RNGTT: variants seen among roughly 807,000 people sequenced by gnomAD.
RNGTT encodes the protein mRNA-capping enzyme.
Under a neutral mutation model 79.3 loss-of-function variants are expected in RNGTT, and 33 were observed. That is an observed-to-expected ratio of 0.42 (90% confidence interval 0.32 to 0.56). The LOEUF is 0.56. Ranked by LOEUF, RNGTT falls within the 20% of genes least tolerant of loss-of-function variation. The probability of loss-of-function intolerance (pLI) is 0.17; values close to 1 mark genes in which losing one functional copy is unlikely to be tolerated. For missense variants in RNGTT, 497 were observed against 739.1 expected (o/e 0.67, Z 3.80); for synonymous variants, 222 against 235.9 (o/e 0.94, Z 0.54).
At chr6:88,675,330 G>A (rs1209945298) in intron 14 of RNGTT, among the ~76,000 whole-genome samples, 6 of 152,086 alleles carry the variant, frequency 3.9e-5, no homozygotes, top group East Asian at 1.9e-4. Flanking sequence ...AAGATAAGAA[G>A]CAAGACAAGT....
At chr6:88,899,707 G>C (rs1395344306) in intron 6 of RNGTT, among the ~76,000 whole-genome samples, 3 of 152,214 alleles carry the variant, frequency 2.0e-5, no homozygotes, top group Non-Finnish European at 4.4e-5. Flanking sequence ...AGGGAGGCCA[G>C]AGAGGTGAGC....
chr6:88,937,367 A>C (rs1784699903), intron 2 of RNGTT, among the ~76,000 whole-genome samples: 2 of 151,810 alleles, frequency 1.3e-5, no homozygotes, highest in Admixed American at 1.3e-4. Flanking sequence ...ATAGTCTCTG[A>C]TGATCTTTTG....
At chr6:88,649,402 G>T (rs183064898) in intron 14 of RNGTT, among the ~76,000 whole-genome samples, 1 of 152,270 alleles carries the variant, frequency 6.6e-6, no homozygotes, top group East Asian at 1.9e-4. Context: ...AATTAATGCA[G>T]CATAAAAAGG....
Position 88,963,421 on chromosome 6 carries a change from G to C in RNGTT, c.-12C>G, listed in dbSNP as rs1169995783. ...TTGTTGTGAGCCATGTCTTGGGGCT[G>C]CGCAGAGCTGCCCTCCCTCACCAAC... On this transcript the variant is annotated 5_prime_UTR_variant, in exon 1 of 16. Coordinates refer to ENST00000369485, the MANE Select transcript of RNGTT (RefSeq NM_003800.5). 1.3e-6 allele frequency: 2 copies of C among 1,576,828 alleles called. No homozygotes were observed. The highest frequency in any genetic ancestry group is 3.5e-5 in the Admixed American group (2 of 56,470).
intron 1 of RNGTT, among the ~76,000 whole-genome samples, chr6:88,955,543 C>T (rs867507853): frequency 8.4e-6 from 1 of 118,780 alleles, no homozygotes; most frequent in Non-Finnish European, 1.7e-5. Context: ...GAGTGAGACT[C>T]ATCTCAAAAA....
intron 6 of RNGTT, among the ~76,000 whole-genome samples, chr6:88,893,161 A>G (rs1365567932): frequency 6.6e-6 from 1 of 152,156 alleles, no homozygotes; most frequent in Non-Finnish European, 1.5e-5. Flanking sequence ...TCAACCAGAT[A>G]GATGAGGTTT....
intron 5 of RNGTT, 54 bp downstream of exon 5, chr6:88,906,311 C>T (rs1783652355): frequency 3.4e-6 from 4 of 1,180,330 alleles, no homozygotes; most frequent in Non-Finnish European, 3.6e-6. Flanking sequence ...ACTAAAATAT[C>T]AATAAAATTT....
chr6:88,963,314 T>C, intron 1 of RNGTT, 32 bp downstream of exon 1: 2 of 1,610,126 alleles, frequency 1.2e-6, no homozygotes, highest in Non-Finnish European at 8.5e-7. Context: ...CGTTGGAGTG[T>C]GGGGATTCGA....
intron 4 of RNGTT, among the ~76,000 whole-genome samples, chr6:88,919,441 G>A (rs1213954017): frequency 6.6e-6 from 1 of 152,142 alleles, no homozygotes; most frequent in Non-Finnish European, 1.5e-5. Flanking sequence ...TTATAAAGGG[G>A]CTGGTGACAA....
chr6:88,735,870 A>G (rs933292077), intron 13 of RNGTT, among the ~76,000 whole-genome samples: 3 of 152,124 alleles, frequency 2.0e-5, no homozygotes, highest in Non-Finnish European at 4.4e-5. Flanking sequence ...ACAACAGAGA[A>G]TATCAATAAA....
At chr6:88,669,546 A>C (rs1259270689) in intron 14 of RNGTT, among the ~76,000 whole-genome samples, 1 of 152,226 alleles carries the variant, frequency 6.6e-6, no homozygotes, top group African/African-American at 2.4e-5. Flanking sequence ...CGGCACAAGA[A>C]GAACAGTCAC....
chr6:88,898,258 C>T lies in RNGTT; in HGVS notation c.685-6343G>A, dbSNP rs147696030. 5.0e-3 allele frequency among the ~76,000 whole-genome samples: 758 copies of T among 152,220 alleles called. 5 individuals are homozygous for T. The highest frequency in any genetic ancestry group is 0.017 in the African/African-American group (698 of 41,538). On this transcript the variant is annotated intron_variant, in intron 6 of 15. Transcript: ENST00000369485. ...AAATAATCCTCAGATAAATACTTTC[C>T]GTCCTTATTGAATTTTGTCCTCTCC...
chr6:88,737,511 T>C (rs1187087784), intron 13 of RNGTT, among the ~76,000 whole-genome samples: 1 of 152,154 alleles, frequency 6.6e-6, no homozygotes, highest in Non-Finnish European at 1.5e-5. Flanking sequence ...CCTCCCCAAA[T>C]TCATATGTTG....
At chr6:88,946,179 C>G (rs1392565368) in intron 1 of RNGTT, among the ~76,000 whole-genome samples, 1 of 152,138 alleles carries the variant, frequency 6.6e-6, no homozygotes, top group Non-Finnish European at 1.5e-5. Flanking sequence ...GTGTCTGTGC[C>G]ACATTTTGGT....
rs545609036 is a variant in RNGTT at position 88,921,998 on chromosome 6, G to C, written c.367+6987C>G. On this transcript the variant is annotated intron_variant, in intron 4 of 15. Transcript: ENST00000369485. Reference sequence around the variant, plus strand: ...CATCAGAGGATTTTGGTATCTGAGGGGGATCCTAGAACCAATCCCCTGAGG... The same window carrying C: ...CATCAGAGGATTTTGGTATCTGAGGCGGATCCTAGAACCAATCCCCTGAGG... Among the ~76,000 whole-genome samples the C allele has an allele frequency of 2.4e-4, 37 of 151,988 alleles. No homozygotes were observed. In the South Asian group the frequency reaches 7.5e-3, roughly 31 times the overall value.
At chr6:88,675,671 T>C (rs1774844121) in intron 14 of RNGTT, among the ~76,000 whole-genome samples, 1 of 150,418 alleles carries the variant, frequency 6.6e-6, no homozygotes, top group African/African-American at 2.5e-5. Flanking sequence ...TAATCGAGTA[T>C]AAGATCATAG....
chr6:88,627,040 T>C (rs1772659385), intron 14 of RNGTT, among the ~76,000 whole-genome samples: 1 of 151,708 alleles, frequency 6.6e-6, no homozygotes, highest in Non-Finnish European at 1.5e-5. Flanking sequence ...ACATCCACCA[T>C]TAACATGAGG....
chr6:88,923,193 CT>C (rs1353581073), intron 4 of RNGTT, among the ~76,000 whole-genome samples: 6 of 152,046 alleles, frequency 3.9e-5, no homozygotes, highest in Admixed American at 6.6e-5. Context: ...CTCATTTCTT[CT>C]GTTATAAAGT....
intron 12 of RNGTT, among the ~76,000 whole-genome samples, chr6:88,771,370 C>CA (rs1562244393): frequency 7.2e-6 from 1 of 139,034 alleles, no homozygotes; most frequent in African/African-American, 2.7e-5. Context: ...CACACACACA[C>CA]AATTTCTTTT....
Sources: gnomAD v4.1 joint callset for allele counts (sites outside exome capture counted in the v4.1 genomes callset) on GRCh38, gnomAD v4.1.1 for gene constraint, MANE v1.5 for transcripts, NCBI Gene and HGNC (gene_info 2026-07-23, HGNC 2026-07-21) for gene names.